The following RARB variants were observed in gnomAD, a reference collection of about 807,000 sequenced individuals.
RARB encodes the protein retinoic acid receptor beta.
In RARB, 17 loss-of-function variants were observed where a neutral mutation model predicts 51.9. The ratio of observed to expected loss-of-function variants is 0.33; its 90% CI spans 0.22 to 0.49. The LOEUF is 0.49. Ranked by LOEUF, RARB falls within the 20% of genes least tolerant of loss-of-function variation. The probability of loss-of-function intolerance (pLI) is 0.99; values close to 1 mark genes in which losing one functional copy is unlikely to be tolerated. For missense variants in RARB, 369 were observed against 550.8 expected (o/e 0.67, Z 3.30); for synonymous variants, 215 against 195.4 (o/e 1.10, Z -0.84).
At chr3:24,945,722 A>G (rs1695759073) in intron 2 of RARB, among the ~76,000 whole-genome samples, 1 of 152,250 alleles carries the variant, frequency 6.6e-6, no homozygotes, top group African/African-American at 2.4e-5. Flanking sequence ...GCCTCCAGCC[A>G]ACAGAGAGCA....
chr3:24,883,650 A>G lies in RARB; in HGVS notation c.-380+24898A>G, dbSNP rs768112010. On this transcript the variant is annotated intron_variant, in intron 2 of 11. Coordinates refer to the RARB transcript ENST00000383772. ...GAAGTGTCAGCAGCTGGGTGTTGTT[A>G]ATGGTAAGCCTTTCATTCCTGTTAA... Among the ~76,000 whole-genome samples, 8 of 152,090 alleles carry G rather than the reference A, an allele frequency of 5.3e-5. No homozygotes were observed. The South Asian group carries it at 1.0e-3, about 20-fold the overall frequency.
At chr3:24,946,070 C>G (rs887367255) in intron 2 of RARB, among the ~76,000 whole-genome samples, 12 of 151,808 alleles carry the variant, frequency 7.9e-5, no homozygotes, top group Non-Finnish European at 1.5e-4. Context: ...TCGAGATCAT[C>G]CTGGCTAACA....
At chr3:24,956,396 G>T (rs945385779) in intron 2 of RARB, among the ~76,000 whole-genome samples, 1 of 152,124 alleles carries the variant, frequency 6.6e-6, no homozygotes, top group African/African-American at 2.4e-5. Flanking sequence ...TGCTGTTTTG[G>T]ATTTGTGACT....
At chr3:25,185,111 A>C (rs1188043964) in intron 5 of RARB, among the ~76,000 whole-genome samples, 5 of 152,168 alleles carry the variant, frequency 3.3e-5, no homozygotes, top group African/African-American at 4.8e-5. Flanking sequence ...AGGCATATGG[A>C]AGTTTTCACT....
At chr3:25,317,091 G>C (rs1014309983) in intron 5 of RARB, among the ~76,000 whole-genome samples, 6 of 44,766 alleles carry the variant, frequency 1.3e-4, no homozygotes, top group Admixed American at 8.2e-4. Flanking sequence ...TCGTGTAAAA[G>C]AATACAACAT....
At chr3:25,191,758 A>AGT (rs931223421) in intron 5 of RARB, among the ~76,000 whole-genome samples, 3 of 152,110 alleles carry the variant, frequency 2.0e-5, no homozygotes, top group African/African-American at 7.2e-5. Context: ...ATACTCCCTC[A>AGT]GTGGAGATTA....
intron 2 of RARB, among the ~76,000 whole-genome samples, chr3:24,896,849 T>G (rs1323462795): frequency 6.6e-6 from 1 of 152,134 alleles, no homozygotes; most frequent in East Asian, 1.9e-4. Flanking sequence ...CAGACATGTC[T>G]CATACCAAGA....
chr3:25,318,905 C>A (rs73820416), intron 5 of RARB, among the ~76,000 whole-genome samples: 407 of 152,252 alleles, frequency 2.7e-3, no homozygotes, highest in African/African-American at 9.3e-3. Context: ...AATTTACCAA[C>A]CTTTTATTTT....
intron 2 of RARB, among the ~76,000 whole-genome samples, chr3:25,042,678 T>G (rs1013026154): frequency 6.6e-6 from 1 of 152,242 alleles, no homozygotes; most frequent in Non-Finnish European, 1.5e-5. Flanking sequence ...AACACACTTA[T>G]AACGATGTAA....
At chr3:25,202,015 A>G (rs1298559192) in intron 5 of RARB, among the ~76,000 whole-genome samples, 1 of 152,202 alleles carries the variant, frequency 6.6e-6, no homozygotes. Flanking sequence ...GAATGCTACC[A>G]GCTCCTCCTT....
At chr3:24,905,385 C>T (rs950928128) in intron 2 of RARB, among the ~76,000 whole-genome samples, 5 of 152,116 alleles carry the variant, frequency 3.3e-5, no homozygotes, top group African/African-American at 9.7e-5. Context: ...ACAAAAATAC[C>T]TCTGCTTACT....
intron 5 of RARB, among the ~76,000 whole-genome samples, chr3:25,369,081 G>A (rs772068388): frequency 1.3e-5 from 2 of 152,124 alleles, no homozygotes; most frequent in Non-Finnish European, 2.9e-5. Flanking sequence ...CAAGATCATA[G>A]TTTCCACTTT....
chr3:25,161,628 C>T (rs1273982345), intron 4 of RARB, among the ~76,000 whole-genome samples: 1 of 152,166 alleles, frequency 6.6e-6, no homozygotes, highest in Non-Finnish European at 1.5e-5. Flanking sequence ...AAATGTAAAA[C>T]ACTCATCATT....
At chr3:25,180,664 C>T (rs1483102245) in intron 5 of RARB, among the ~76,000 whole-genome samples, 7 of 152,156 alleles carry the variant, frequency 4.6e-5, no homozygotes, top group Non-Finnish European at 7.3e-5. Flanking sequence ...CGTGATGCAG[C>T]GACTCATTCT....
chr3:24,891,784 A>AC (rs1703382480), intron 2 of RARB, among the ~76,000 whole-genome samples: 1 of 151,764 alleles, frequency 6.6e-6, no homozygotes, highest in South Asian at 2.1e-4. Context: ...AGAGTAGATA[A>AC]GTTGAGAAAG....
At chr3:25,507,986 C>T (rs569034816) in intron 3 of RARB, among the ~76,000 whole-genome samples, 13 of 152,238 alleles carry the variant, frequency 8.5e-5, no homozygotes, top group South Asian at 2.1e-4. Flanking sequence ...AACCACTGGC[C>T]GTGAATTCAC....
At chr3:25,353,431 C>T (rs1051691220) in intron 5 of RARB, among the ~76,000 whole-genome samples, 2 of 152,126 alleles carry the variant, frequency 1.3e-5, no homozygotes, top group Non-Finnish European at 2.9e-5. Flanking sequence ...GATTTGTTTT[C>T]TGCGCTTGGC....
At chr3:25,517,363 A>G (rs1459683599) in intron 3 of RARB, among the ~76,000 whole-genome samples, 2 of 152,264 alleles carry the variant, frequency 1.3e-5, no homozygotes, top group African/African-American at 2.4e-5. Flanking sequence ...CAAAGAAAAT[A>G]TACAAATAAC....
At chr3:25,436,075 T>A (rs1374415453) in intron 1 of RARB, among the ~76,000 whole-genome samples, 1 of 152,236 alleles carries the variant, frequency 6.6e-6, no homozygotes, top group Non-Finnish European at 1.5e-5. Context: ...TTACGCTTCA[T>A]CTTTTTGGAT....
Sources: allele counts gnomAD v4.1 joint callset (sites outside exome capture counted in the v4.1 genomes callset), GRCh38; gene constraint gnomAD v4.1.1; transcripts MANE v1.5; gene names NCBI Gene and HGNC (gene_info 2026-07-23, HGNC 2026-07-21).